The following RBL1 variants were observed in gnomAD, a reference collection of about 807,000 sequenced individuals.
RBL1 encodes the protein retinoblastoma-like protein 1.
A neutral mutation model predicts 123.0 loss-of-function variants in RBL1; 82 were observed. That is an observed-to-expected ratio of 0.67 (90% CI 0.56 to 0.80). The LOEUF is 0.80. RBL1 is among the 30% of genes least tolerant of loss of function. RBL1 has a pLI of 0.00. For missense variants in RBL1, 1,171 were observed against 1,299.6 expected, an observed-to-expected ratio of 0.90 and a Z score of 1.52; for synonymous variants, 405 against 441.3, an observed-to-expected ratio of 0.92 and a Z score of 1.03.
At position 37,035,455 on chromosome 20, in the gene RBL1, CGG is replaced by C; in HGVS notation, c.1955_1956del (p.Thr652SerfsTer5). Reference protein sequence around the residue: ...ISVHERYSSPTAGSAKRRLFG... With the variant: ...ISVHERYSSPXAGSAKRRLFG... ...AAGAGTCTTCTCTTAGCACTCCCTG[CGG>C]TAGGAGAACTGTAGCGTTCATGGAC... is the stretch of plus-strand genomic sequence containing the variant. On this transcript the variant is annotated frameshift_variant, in exon 15 of 22. Transcript: ENST00000373664. LOFTEE classifies it high-confidence loss of function. 2 of 1,612,626 alleles carry C rather than the reference CGG, an allele frequency of 1.2e-6. No homozygotes were observed. Among genetic ancestry groups the C allele is most frequent in the Non-Finnish European group, 1.7e-6 (2 of 1,179,194 alleles).
rs780906170 is a variant in RBL1 at position 37,007,577 on chromosome 20, A to G, written c.2723-18T>C. 3.7e-6 allele frequency: 6 copies of G among 1,609,058 alleles called. No homozygotes were observed. The highest frequency in any genetic ancestry group is 2.2e-5 in the South Asian group (2 of 90,174). On this transcript the variant is annotated intron_variant, in intron 19 of 21. Transcript: ENST00000373664. Reference sequence around the variant, plus strand: ...TTCTAAGTCTGTTAAAAAGAATGCAATGTTGTGATACAAAGCATACTTTTT... The same window carrying G: ...TTCTAAGTCTGTTAAAAAGAATGCAGTGTTGTGATACAAAGCATACTTTTT...
chr20:37,062,169 G>A lies in RBL1; in HGVS notation c.998C>T (p.Pro333Leu), dbSNP rs373931005. Reference protein sequence around the residue: ...GADAEEEIGTPRKFTRDTPLG... With the variant: ...GADAEEEIGTLRKFTRDTPLG... ...TGGGGTGTCACGAGTGAACTTTCGA[G>A]GTGTTCCAATTTCCTCTTCTGCGTC... The change falls in exon 8 of 22, where the codon CCT becomes CTT. Residue 333 changes from proline to leucine, a missense_variant. Coordinates refer to ENST00000373664, the MANE Select transcript of RBL1 (RefSeq NM_002895.5). 4.8e-5 allele frequency: 77 copies of A among 1,614,030 alleles called. No homozygotes were observed. Among genetic ancestry groups the A allele is most frequent in the Non-Finnish European group, 6.3e-5 (74 of 1,180,034 alleles).
chr20:37,037,156 A>G (rs17787145), intron 14 of RBL1, among the ~76,000 whole-genome samples: 1 of 152,200 alleles, frequency 6.6e-6, no homozygotes, highest in Admixed American at 6.6e-5. Flanking sequence ...TGAATGCCTT[A>G]TATCTAAGAA....
Position 37,020,765 on chromosome 20 carries a change from T to G in RBL1, c.2560-35A>C. On this transcript the variant is annotated intron_variant, in intron 17 of 21. Coordinates refer to ENST00000373664, the MANE Select transcript of RBL1 (RefSeq NM_002895.5). The stretch of plus-strand genomic sequence containing the variant: ...ATAAAAACCGCATTTATCAACTGCT[T>G]TTTGAAAGAAAAATGGCTCTGAACA... The G allele has an allele frequency of 1.4e-6, 2 of 1,407,070 alleles. 1 individual carries two copies. Among genetic ancestry groups the G allele is most frequent in the South Asian group, 2.6e-5 (2 of 77,810 alleles). The allele number at this position is 1,407,070 out of a possible 1,614,324, so 87.2% of individuals were successfully genotyped here.
intron 20 of RBL1, 49 bp downstream of exon 20, chr20:37,007,362 T>C: frequency 6.4e-7 from 1 of 1,573,708 alleles, no homozygotes; most frequent in Non-Finnish European, 8.6e-7. Flanking sequence ...CTTATAGTAA[T>C]CCAACTATGA....
chr20:37,056,049 G>T (rs1007267995), intron 10 of RBL1, 97 bp downstream of exon 10: 26 of 1,416,840 alleles, frequency 1.8e-5, no homozygotes, highest in East Asian at 2.8e-5. Flanking sequence ...AAAAAAAAAA[G>T]AAATAAGAAT....
intron 11 of RBL1, among the ~76,000 whole-genome samples, chr20:37,047,917 T>G (rs1010721268): frequency 3.3e-5 from 5 of 151,582 alleles, no homozygotes; most frequent in African/African-American, 9.7e-5. Context: ...GAGGCAGAGG[T>G]TGCAATGAGC....
chr20:37,019,049 CTT>C (rs545602229), intron 18 of RBL1, among the ~76,000 whole-genome samples: 1 of 145,364 alleles, frequency 6.9e-6, no homozygotes, highest in Non-Finnish European at 1.5e-5. Flanking sequence ...TCTTTTTTTT[CTT>C]TTTTTTTTTA....
chr20:37,077,461 T>C (rs1358835834), intron 2 of RBL1, among the ~76,000 whole-genome samples: 2 of 152,062 alleles, frequency 1.3e-5, no homozygotes, highest in African/African-American at 2.4e-5. Flanking sequence ...AAGGTCTTAA[T>C]AGAAAAAAGA....
intron 2 of RBL1, among the ~76,000 whole-genome samples, chr20:37,068,955 T>A (rs1049337829): frequency 1.4e-4 from 22 of 152,330 alleles, no homozygotes; most frequent in African/African-American, 5.3e-4. Context: ...CCTGCCTGAT[T>A]CTCCTGACTC....
chr20:37,067,303 A>C lies in RBL1; in HGVS notation c.492-6T>G. On this transcript the variant is annotated splice_region_variant and splice_polypyrimidine_tract_variant and intron_variant, in intron 3 of 21. Transcript: ENST00000373664. ...TAACACTGCAAGGAATCCTCCTAAAAAGGGAAAAAAATTACTTTTTGTCTG... is the reference window on the plus strand; with the variant it reads ...TAACACTGCAAGGAATCCTCCTAAACAGGGAAAAAAATTACTTTTTGTCTG... The C allele has an allele frequency of 1.9e-6, 3 of 1,586,080 alleles. No homozygotes were observed. Among genetic ancestry groups the C allele is most frequent in the Non-Finnish European group, 2.6e-6 (3 of 1,170,448 alleles).
At chr20:37,032,405 A>T (rs1171703984) in intron 16 of RBL1, among the ~76,000 whole-genome samples, 1 of 152,182 alleles carries the variant, frequency 6.6e-6, no homozygotes, top group African/African-American at 2.4e-5. Context: ...AGTAGTTGCC[A>T]GAAGCTGGGG....
At chr20:37,059,853 AAAAC>A (rs2065065743) in intron 9 of RBL1, among the ~76,000 whole-genome samples, 1 of 148,570 alleles carries the variant, frequency 6.7e-6, no homozygotes, top group Non-Finnish European at 1.5e-5. Context: ...GCTTCCTTAA[AAAAC>A]AAAAAAAAAA....
At chr20:37,043,186 A>AC (rs1380494373) in intron 13 of RBL1, among the ~76,000 whole-genome samples, 1 of 151,024 alleles carries the variant, frequency 6.6e-6, no homozygotes, top group Non-Finnish European at 1.5e-5. Flanking sequence ...ACACACACAC[A>AC]ATTAGCCGGG....
At chr20:37,030,969 C>T (rs1240349876) in intron 16 of RBL1, among the ~76,000 whole-genome samples, 3 of 151,930 alleles carry the variant, frequency 2.0e-5, no homozygotes, top group Non-Finnish European at 4.4e-5. Context: ...TCATCTGAAC[C>T]TGGGAGGCGG....
chr20:37,002,186 T>C (rs541097231), intron 21 of RBL1, among the ~76,000 whole-genome samples: 252 of 149,724 alleles, frequency 1.7e-3, no homozygotes, highest in Non-Finnish European at 1.5e-3. Flanking sequence ...CATGCCACCA[T>C]GCCTGGCTAT....
rs1208742290 is a variant in RBL1, at chr20:37,066,714, AG to A, written c.846+9del. On this transcript the variant is annotated intron_variant, in intron 6 of 21. Transcript: ENST00000373664. ...TAAACATCTCAGTCATCTAATTATA[AG>A]TACAGTACCTTCCTGTCAAAGAGTT... 1.3e-6 allele frequency: 2 copies of A among 1,597,482 alleles called. No homozygotes were observed. Among genetic ancestry groups the A allele is most frequent in the African/African-American group, 2.7e-5 (2 of 74,214 alleles).
chr20:37,047,874 G>A (rs192729957), intron 11 of RBL1, among the ~76,000 whole-genome samples: 26 of 152,134 alleles, frequency 1.7e-4, no homozygotes, highest in Admixed American at 4.6e-4. Context: ...CAGTTACTCC[G>A]GAGGCTGAGG....
chr20:37,061,932 G>A, intron 8 of RBL1, 152 bp downstream of exon 8: 1 of 876,916 alleles, frequency 1.1e-6, no homozygotes. Flanking sequence ...CTAAATGCCA[G>A]TTTTAAAAAT....
Sources: allele counts gnomAD v4.1 joint callset (sites outside exome capture counted in the v4.1 genomes callset), GRCh38; gene constraint gnomAD v4.1.1; transcripts MANE v1.5; gene names NCBI Gene and HGNC (gene_info 2026-07-23, HGNC 2026-07-21).